MGAT4C: variants seen among roughly 807,000 people sequenced by gnomAD.
The protein encoded by MGAT4C is MGAT4 family member C, also known as alpha-1,3-mannosyl-glycoprotein 4-beta-N-acetylglucosaminyltransferase C.
In MGAT4C, 19 loss-of-function variants were observed where a neutral mutation model predicts 40.1. That is an observed-to-expected ratio of 0.47 (90% CI 0.33 to 0.70). MGAT4C has a LOEUF of 0.70. Ranked by LOEUF, MGAT4C falls within the 30% of genes least tolerant of loss-of-function variation. The pLI, the probability that MGAT4C is intolerant of heterozygous loss-of-function variation, is 0.02. For missense variants in MGAT4C, 491 were observed against 563.2 expected (o/e 0.87, Z 1.30); for synonymous variants, 181 against 187.1 (o/e 0.97, Z 0.27).
intron 3 of MGAT4C, among the ~76,000 whole-genome samples, chr12:86,358,732 G>T (rs1208232009): frequency 1.3e-5 from 2 of 152,162 alleles, no homozygotes; most frequent in South Asian, 4.1e-4. Flanking sequence ...GACAAAGAAG[G>T]CCATTGCATA....
chr12:86,806,393 A>C (rs948112713), intron 1 of MGAT4C, among the ~76,000 whole-genome samples: 1 of 151,898 alleles, frequency 6.6e-6, no homozygotes, highest in Non-Finnish European at 1.5e-5. Flanking sequence ...TGTACAATTC[A>C]TGGATCTTAC....
At chr12:86,611,633 T>C (rs1962285951) in intron 2 of MGAT4C, among the ~76,000 whole-genome samples, 1 of 152,196 alleles carries the variant, frequency 6.6e-6, no homozygotes, top group African/African-American at 2.4e-5. Flanking sequence ...ATCTCAGTTT[T>C]CTTCAATGTC....
rs527550840 is a variant in MGAT4C, at chr12:86,323,658, A to G, written c.-57+10407T>C. On this transcript the variant is annotated intron_variant, in intron 4 of 7. Transcript: ENST00000548651. ...TATAACTACCGTAGTAAATACATAC[A>G]TATATATAAATAGACGAAATACACA... is the stretch of plus-strand genomic sequence containing the variant. 6.6e-5 allele frequency among the ~76,000 whole-genome samples: 10 copies of G among 152,036 alleles called. No homozygotes were observed. In the South Asian group the frequency reaches 1.7e-3, roughly 25 times the overall value.
chr12:86,321,454 C>T (rs926928746), intron 4 of MGAT4C, among the ~76,000 whole-genome samples: 3 of 152,072 alleles, frequency 2.0e-5, no homozygotes, highest in Non-Finnish European at 4.4e-5. Context: ...TTGATTTCTA[C>T]TGAGCTTCAG....
chr12:86,525,025 T>C (rs1336754403), intron 2 of MGAT4C, among the ~76,000 whole-genome samples: 1 of 152,218 alleles, frequency 6.6e-6, no homozygotes, highest in Non-Finnish European at 1.5e-5. Context: ...TACATCTTAA[T>C]GATATTCGAT....
chr12:86,616,519 T>C (rs1276436513), intron 2 of MGAT4C, among the ~76,000 whole-genome samples: 1 of 152,104 alleles, frequency 6.6e-6, no homozygotes, highest in African/African-American at 2.4e-5. Flanking sequence ...GTGTAGTTCA[T>C]GTAAGAGTTG....
At chr12:86,531,326 T>C (rs1381271732) in intron 2 of MGAT4C, among the ~76,000 whole-genome samples, 1 of 152,028 alleles carries the variant, frequency 6.6e-6, no homozygotes, top group Admixed American at 6.6e-5. Context: ...GGAAACCACT[T>C]ATAGACTTCA....
intron 2 of MGAT4C, among the ~76,000 whole-genome samples, chr12:86,469,292 AGAGAATTGCTTTTAATGAACAGAATAT>A (rs1957725375): frequency 6.6e-6 from 1 of 152,108 alleles, no homozygotes; most frequent in African/African-American, 2.4e-5. Flanking sequence ...AGCTGTACCT[AGAGAATTGCTTTTAATGAACAGAATAT>A]GGCAAAAGTG....
intron 4 of MGAT4C, among the ~76,000 whole-genome samples, chr12:86,305,447 A>G (rs1011267944): frequency 2.0e-5 from 3 of 149,576 alleles, no homozygotes; most frequent in African/African-American, 7.6e-5. Context: ...CTCAAAGAAA[A>G]AAAAAAAAAA....
At chr12:86,234,345 G>C (rs1951445398) in intron 1 of MGAT4C, among the ~76,000 whole-genome samples, 1 of 152,126 alleles carries the variant, frequency 6.6e-6, no homozygotes, top group Non-Finnish European at 1.5e-5. Context: ...TAAAATGATA[G>C]GTAACTGAAG....
chr12:86,251,099 A>G (rs138163181), intron 1 of MGAT4C, among the ~76,000 whole-genome samples: 4 of 151,158 alleles, frequency 2.6e-5, no homozygotes, highest in African/African-American at 9.7e-5. Flanking sequence ...AATTTTCACA[A>G]CAAACTTACG....
At position 85,957,657 on chromosome 12, in the gene MGAT4C, C is replaced by CAAAAAAAAAAAAAAAAAAAAGA. The variant is rs5799763; in HGVS notation, c.*21631_*21632insTCTTTTTTTTTTTTTTTTTTTT. ...TTTACTGTAGAGTTGAATAAGAAAG[C>CAAAAAAAAAAAAAAAAAAAAGA]AAAAAAAAAAAAAAAAGAAAAAAGA... On this transcript the variant is annotated 3_prime_UTR_variant, in exon 5 of 5. Coordinates refer to ENST00000611864, the MANE Select transcript of MGAT4C (RefSeq NM_001351288.2). The CAAAAAAAAAAAAAAAAAAAAGA allele has an allele frequency of 3.9e-5, 4 of 101,278 alleles. No individual in the cohort carries two copies. Among genetic ancestry groups the CAAAAAAAAAAAAAAAAAAAAGA allele is most frequent in the Non-Finnish European group, 7.6e-5 (4 of 52,716 alleles). The allele number at this position is 101,278 out of a possible 1,614,324, so 6.3% of individuals were successfully genotyped here.
At chr12:86,167,170 T>C (rs1233285542) in intron 1 of MGAT4C, among the ~76,000 whole-genome samples, 1 of 152,286 alleles carries the variant, frequency 6.6e-6, no homozygotes, top group East Asian at 1.9e-4. Flanking sequence ...ATTTACTCAA[T>C]AATTACTCTA....
intron 2 of MGAT4C, among the ~76,000 whole-genome samples, chr12:86,547,160 A>C (rs1285787525): frequency 1.3e-5 from 2 of 151,746 alleles, no homozygotes; most frequent in Non-Finnish European, 2.9e-5. Context: ...GTTTTCTGTA[A>C]ATTTTAGAAT....
intron 3 of MGAT4C, among the ~76,000 whole-genome samples, chr12:86,376,561 G>T (rs1421436593): frequency 2.6e-5 from 4 of 152,034 alleles, no homozygotes; most frequent in Non-Finnish European, 5.9e-5. Flanking sequence ...CTAAATGGGA[G>T]AGGCTTTATT....
chr12:86,631,293 T>C (rs1160843421), intron 2 of MGAT4C, among the ~76,000 whole-genome samples: 2 of 152,070 alleles, frequency 1.3e-5, no homozygotes, highest in Non-Finnish European at 2.9e-5. Flanking sequence ...TGCTCATGGA[T>C]AGGAAGAATC....
rs556894209 is a variant in MGAT4C, at chr12:86,589,074, G to A, written c.-229+138135C>T. Among the ~76,000 whole-genome samples the A allele has an allele frequency of 7.3e-5, 11 of 151,290 alleles. No individual in the cohort carries two copies. In the South Asian group the frequency reaches 8.4e-4, roughly 12 times the overall value. On this transcript the variant is annotated intron_variant, in intron 2 of 7. Transcript: ENST00000548651. ...AATCAGAGCAGAACTGAAGGAAATA[G>A]AGACACAAAAAACCCTTCAAAAAAT... is the stretch of plus-strand genomic sequence containing the variant.
At chr12:86,170,630 C>A (rs1886714630) in intron 1 of MGAT4C, among the ~76,000 whole-genome samples, 1 of 152,074 alleles carries the variant, frequency 6.6e-6, no homozygotes, top group African/African-American at 2.4e-5. Flanking sequence ...AGATAACAGA[C>A]CTGATGAATA....
At chr12:86,498,543 C>A (rs1319871009) in intron 2 of MGAT4C, among the ~76,000 whole-genome samples, 1 of 151,862 alleles carries the variant, frequency 6.6e-6, no homozygotes, top group Non-Finnish European at 1.5e-5. Flanking sequence ...AAAACTTACA[C>A]AAACATTTAC....
Sources: allele counts gnomAD v4.1 joint callset (sites outside exome capture counted in the v4.1 genomes callset), GRCh38; gene constraint gnomAD v4.1.1; transcripts MANE v1.5; gene names NCBI Gene and HGNC (gene_info 2026-07-23, HGNC 2026-07-21).